Variants in SGIP1 observed in about 807,000 individuals in gnomAD.
SGIP1 encodes SH3GL interacting endocytic adaptor 1.
A neutral mutation model predicts 107.5 loss-of-function variants in SGIP1; 38 were observed. The ratio of observed to expected loss-of-function variants is 0.35; its 90% confidence interval spans 0.27 to 0.46. The LOEUF (loss-of-function observed/expected upper bound fraction) is 0.46. SGIP1 is among the 20% of genes least tolerant of loss of function. The probability of loss-of-function intolerance (pLI) is 1.00; values close to 1 mark genes in which losing one functional copy is unlikely to be tolerated. For synonymous variants in SGIP1, 365 were observed against 366.1 expected (o/e 1.00, Z 0.03); for missense variants, 929 against 1,019.5 (o/e 0.91, Z 1.21).
chr1:66,662,765 T>C (rs2081768432), intron 8 of SGIP1, among the ~76,000 whole-genome samples: 1 of 152,170 alleles, frequency 6.6e-6, no homozygotes, highest in Non-Finnish European at 1.5e-5. Context: ...GAAAATAAAA[T>C]GTTTTCCGCA....
At position 66,679,687 on chromosome 1, in the gene SGIP1, C is replaced by A; in HGVS notation, c.749C>A (p.Pro250Gln). The A allele has an allele frequency of 6.2e-7, 1 of 1,606,790 alleles. No individual in the cohort carries two copies. The highest frequency in any genetic ancestry group is 8.5e-7 in the Non-Finnish European group (1 of 1,177,996). ...TRPFPTGTPPPLPPKNVPATP... is the reference protein window; with the variant it reads ...TRPFPTGTPPQLPPKNVPATP... ...TCTCATCTTTTTGCAGCACCTCCAC[C>A]ACTGCCTCCAAAAAATGTACCAGCT... The change falls in exon 14 of 25, where the codon CCA becomes CAA. Residue 250 changes from proline to glutamine, a missense_variant. By Grantham distance (76) the Pro-to-Gln change is moderately conservative. This residue lies in a region of SGIP1 where 588 missense variants were observed against 588.6 expected (regional missense o/e 1.00). Coordinates refer to ENST00000371037, the MANE Select transcript of SGIP1 (RefSeq NM_032291.4).
At chr1:66,610,991 TGG>T (rs1156953852) in intron 1 of SGIP1, among the ~76,000 whole-genome samples, 2 of 150,354 alleles carry the variant, frequency 1.3e-5, no homozygotes, top group Non-Finnish European at 3.0e-5. Flanking sequence ...TGGGAAAGGG[TGG>T]GAGGGGGGTG....
intron 1 of SGIP1, among the ~76,000 whole-genome samples, chr1:66,598,478 T>C (rs1022893465): frequency 2.6e-5 from 4 of 152,304 alleles, no homozygotes; most frequent in African/African-American, 9.6e-5. Flanking sequence ...GTGTATTAGT[T>C]TGTTCTCATG....
chr1:66,622,957 G>A (rs191397079), intron 1 of SGIP1, among the ~76,000 whole-genome samples: 33 of 152,148 alleles, frequency 2.2e-4, no homozygotes, highest in East Asian at 3.9e-4. Context: ...AAAACTTATC[G>A]GATTATTGAA....
intron 12 of SGIP1, among the ~76,000 whole-genome samples, chr1:66,675,953 C>T (rs141236075): frequency 2.7e-3 from 406 of 152,310 alleles, no homozygotes; most frequent in Admixed American, 4.3e-3. Flanking sequence ...CCTCATTAAA[C>T]CACTCCTATC....
intron 18 of SGIP1, among the ~76,000 whole-genome samples, chr1:66,717,777 A>T (rs1443505896): frequency 6.6e-6 from 1 of 152,194 alleles, no homozygotes; most frequent in Admixed American, 6.6e-5. Context: ...AAACTGTAAA[A>T]TGAAGACAAC....
At chr1:66,699,287 T>A (rs1018655329) in intron 18 of SGIP1, among the ~76,000 whole-genome samples, 14 of 152,156 alleles carry the variant, frequency 9.2e-5, no homozygotes, top group Admixed American at 6.5e-5. Flanking sequence ...TCCAAAGCCT[T>A]CCTGATTGTG....
intron 19 of SGIP1, among the ~76,000 whole-genome samples, chr1:66,721,703 C>G (rs949885717): frequency 7.2e-4 from 109 of 152,294 alleles, no homozygotes; most frequent in African/African-American, 2.5e-3. Flanking sequence ...GCCACTGTGC[C>G]TGGCCAGAAT....
chr1:66,580,814 ATACT>A (rs1392537217), intron 1 of SGIP1, among the ~76,000 whole-genome samples: 2 of 152,194 alleles, frequency 1.3e-5, no homozygotes, highest in Admixed American at 6.6e-5. Flanking sequence ...CAATGCTGAA[ATACT>A]TAATTGCTAA....
intron 9 of SGIP1, among the ~76,000 whole-genome samples, chr1:66,669,878 G>C (rs2083387877): frequency 6.6e-6 from 1 of 152,196 alleles, no homozygotes; most frequent in South Asian, 2.1e-4. Context: ...ACGAGGGAAA[G>C]AAGCTTCTTA....
At chr1:66,537,367 T>C (rs2053868173) in intron 1 of SGIP1, among the ~76,000 whole-genome samples, 1 of 152,158 alleles carries the variant, frequency 6.6e-6, no homozygotes. Context: ...TGGCTAAGCT[T>C]ACAATGAAGT....
At chr1:66,580,506 G>T (rs963982309) in intron 1 of SGIP1, among the ~76,000 whole-genome samples, 1 of 151,896 alleles carries the variant, frequency 6.6e-6, no homozygotes, top group Non-Finnish European at 1.5e-5. Flanking sequence ...TTTCCTATTC[G>T]TAATACTTCT....
chr1:66,629,927 C>G (rs2073879583), intron 2 of SGIP1, among the ~76,000 whole-genome samples: 1 of 152,120 alleles, frequency 6.6e-6, no homozygotes, highest in Non-Finnish European at 1.5e-5. Flanking sequence ...CTCTAATAGC[C>G]CTATGGGATA....
chr1:66,638,717 C>G (rs1373420215), intron 4 of SGIP1, among the ~76,000 whole-genome samples: 1 of 152,148 alleles, frequency 6.6e-6, no homozygotes, highest in African/African-American at 2.4e-5. Flanking sequence ...ATCTAGTGAT[C>G]CTATGTGCAC....
intron 17 of SGIP1, chr1:66,695,220 T>A (rs1366899531): frequency 4.1e-6 from 4 of 964,006 alleles, no homozygotes; most frequent in Non-Finnish European, 5.8e-6. Flanking sequence ...CCTTTAGGCC[T>A]CCATAGCTTT....
chr1:66,696,295 A>G (rs992020521), intron 18 of SGIP1, among the ~76,000 whole-genome samples: 1 of 152,206 alleles, frequency 6.6e-6, no homozygotes, highest in African/African-American at 2.4e-5. Flanking sequence ...AAGTAATTTA[A>G]CTTAATTTAT....
intron 24 of SGIP1, among the ~76,000 whole-genome samples, 190 bp from the exon 25 acceptor site, chr1:66,742,883 G>A (rs905499260): frequency 2.2e-4 from 34 of 152,270 alleles, no homozygotes; most frequent in Admixed American, 1.3e-3. Flanking sequence ...AATGTGAAGA[G>A]GCAACTAGCT....
chr1:66,676,045 T>C (rs1240592764), intron 12 of SGIP1, among the ~76,000 whole-genome samples: 1 of 152,236 alleles, frequency 6.6e-6, no homozygotes, highest in Non-Finnish European at 1.5e-5. Flanking sequence ...TAACAGCTAC[T>C]GGCCTTGTGA....
intron 1 of SGIP1, among the ~76,000 whole-genome samples, chr1:66,577,469 T>A (rs1312503836): frequency 4.6e-5 from 7 of 152,190 alleles, no homozygotes; most frequent in Non-Finnish European, 1.0e-4. Context: ...ACTAATTAAT[T>A]TCATCCTTCC....
Sources: allele counts gnomAD v4.1 joint callset (sites outside exome capture counted in the v4.1 genomes callset), GRCh38; gene constraint gnomAD v4.1.1; regional missense constraint gnomAD v4.1.1; transcripts MANE v1.5; gene names NCBI Gene and HGNC (gene_info 2026-07-23, HGNC 2026-07-21).